The following ISM2 variants were observed in gnomAD, a reference collection of about 807,000 sequenced individuals.
ISM2 encodes the protein isthmin-2.
ISM2 carries 50 observed loss-of-function variants against 58.0 expected under a neutral mutation model. The observed-to-expected ratio is 0.86, with a 90% CI of 0.69 to 1.09. The LOEUF is 1.09. Among genes scored for constraint, ISM2 ranks in the 50% least tolerant of loss-of-function variants. ISM2 has a pLI of 0.00. For missense variants in ISM2, 723 were observed against 745.0 expected (o/e 0.97, Z 0.34); for synonymous variants, 303 against 312.4 (o/e 0.97, Z 0.32).
chr14:77,493,051 T>C (rs1336278397), intron 1 of ISM2, among the ~76,000 whole-genome samples: 2 of 151,754 alleles, frequency 1.3e-5, no homozygotes, highest in East Asian at 3.9e-4. Context: ...TGGAGTGCAG[T>C]GGTGCAATCA....
At position 77,478,091 on chromosome 14, in the gene ISM2, GGCCCCCTGTTGGAGAA is replaced by G; in HGVS notation, c.1198+135_1198+150del. 4.3e-6 allele frequency: 3 copies of G among 691,650 alleles called. No homozygotes were observed. In the South Asian group the frequency reaches 5.3e-5, roughly 12 times the overall value. 42.8% of individuals were successfully genotyped at this position (691,650 alleles called of 1,614,324 possible). A position where few individuals can be genotyped will look rare whatever the true frequency, so the allele number is the denominator to read the frequency against. On this transcript the variant is annotated intron_variant, in intron 6 of 6. Coordinates refer to ENST00000342219, the MANE Select transcript of ISM2 (RefSeq NM_199296.3). ...CAATGAGCTGGCTCAGAAATGCCAG[GGCCCCCTGTTGGAGAA>G]GCAAACCTTCCAGATGGAAGCTGTG...
At chr14:77,495,978 C>A (rs1318482640) in intron 1 of ISM2, among the ~76,000 whole-genome samples, 1 of 151,264 alleles carries the variant, frequency 6.6e-6, no homozygotes, top group Non-Finnish European at 1.5e-5. Context: ...TTTGGGAGGC[C>A]AAGGCAGATG....
At chr14:77,492,907 A>C (rs2079215001) in intron 1 of ISM2, among the ~76,000 whole-genome samples, 1 of 152,086 alleles carries the variant, frequency 6.6e-6, no homozygotes, top group South Asian at 2.1e-4. Context: ...AGGCAGGAGA[A>C]TCGCTTGAGC....
At chr14:77,496,574 G>A (rs2079242262) in intron 1 of ISM2, among the ~76,000 whole-genome samples, 1 of 151,228 alleles carries the variant, frequency 6.6e-6, no homozygotes, top group Non-Finnish European at 1.5e-5. Context: ...ATAAGGTCAG[G>A]AGTTCGAGAC....
At chr14:77,498,442 G>A (rs1025215928) in intron 1 of ISM2, 3 of 1,196,056 alleles carry the variant, frequency 2.5e-6, no homozygotes, top group South Asian at 2.8e-5. Flanking sequence ...AGCCCGGCTC[G>A]CGGTCACGCG....
rs564735678 is a variant in ISM2, at chr14:77,494,946, C to T, written c.141+3707G>A. 2.5e-4 allele frequency among the ~76,000 whole-genome samples: 38 copies of T among 152,232 alleles called. No individual in the cohort carries two copies. The East Asian group carries it at 3.1e-3, about 12-fold the overall frequency. ...TCACCCAGGTTGGAGTGCAGTGGCG[C>T]GATCTCAGCTCACTGCAACTCTTGC... On this transcript the variant is annotated intron_variant, in intron 1 of 6. Transcript: ENST00000342219.
chr14:77,493,596 G>A (rs1292919639), intron 1 of ISM2, among the ~76,000 whole-genome samples: 1 of 151,870 alleles, frequency 6.6e-6, no homozygotes, highest in Non-Finnish European at 1.5e-5. Context: ...CAAGTAGCTG[G>A]GATTATAGGC....
At chr14:77,489,252 A>G (rs2079186346) in intron 1 of ISM2, among the ~76,000 whole-genome samples, 1 of 152,152 alleles carries the variant, frequency 6.6e-6, no homozygotes, top group African/African-American at 2.4e-5. Context: ...AATTAAATTC[A>G]GTCACCAAGT....
intron 1 of ISM2, among the ~76,000 whole-genome samples, chr14:77,493,873 G>A (rs1229626043): frequency 6.6e-6 from 1 of 152,100 alleles, no homozygotes; most frequent in South Asian, 2.1e-4. Flanking sequence ...CCGGGTTCAC[G>A]CCGTTCTCCT....
chr14:77,481,896 T>C (rs2079134258), intron 4 of ISM2, among the ~76,000 whole-genome samples: 1 of 151,796 alleles, frequency 6.6e-6, no homozygotes, highest in African/African-American at 2.4e-5. Flanking sequence ...GCCCAGGAGT[T>C]TGAGACCAGC....
intron 1 of ISM2, among the ~76,000 whole-genome samples, chr14:77,493,618 C>T (rs968652636): frequency 3.3e-5 from 5 of 150,666 alleles, no homozygotes; most frequent in Non-Finnish European, 5.9e-5. Flanking sequence ...CCCACCACCA[C>T]GCCTGGCTAA....
chr14:77,478,347 G>A (rs1566752956), intron 5 of ISM2, 22 bp from the exon 6 acceptor site: 1 of 1,603,318 alleles, frequency 6.2e-7, no homozygotes, highest in Non-Finnish European at 8.5e-7. Flanking sequence ...AAGGAGGCCA[G>A]GCTGGTGGCT....
At chr14:77,493,090 T>C (rs1177244922) in intron 1 of ISM2, among the ~76,000 whole-genome samples, 1 of 152,116 alleles carries the variant, frequency 6.6e-6, no homozygotes, top group East Asian at 1.9e-4. Flanking sequence ...CTCAAACTCC[T>C]AGGCTTAAGC....
chr14:77,489,084 C>T (rs10873306), intron 1 of ISM2, among the ~76,000 whole-genome samples: 145,942 of 152,160 alleles, frequency 0.96, 70,283 homozygotes, highest in East Asian at 1. Flanking sequence ...GCCGGGCAGC[C>T]CCTGACCCAC....
rs1040802895 is a variant in ISM2 at position 77,482,188 on chromosome 14, G to T, written c.973+134C>A. 27 of 597,652 alleles carry T rather than the reference G, an allele frequency of 4.5e-5. No homozygotes were observed. The African/African-American group carries it at 4.9e-4, about 11-fold the overall frequency. The allele number at this position is 597,652 out of a possible 1,614,324, so 37.0% of individuals were successfully genotyped here. ...CAATGTTACTTTTGAGTTGATGATG[G>T]TGTTTGAACAAGGCCTAAGCTCCTG... On this transcript the variant is annotated intron_variant, in intron 4 of 6. Coordinates refer to ENST00000342219, the MANE Select transcript of ISM2 (RefSeq NM_199296.3).
chr14:77,482,415 C>T lies in ISM2; in HGVS notation c.880G>A (p.Glu294Lys). 1.2e-6 allele frequency: 2 copies of T among 1,614,232 alleles called. No individual in the cohort carries two copies. The highest frequency in any genetic ancestry group is 1.7e-6 in the Non-Finnish European group (2 of 1,180,036). ...GTTCCATTGAACCAGAGCGCCTGCT[C>T]TTCCTCATCTTCCTCTTTGTCCTCT... is the stretch of plus-strand genomic sequence containing the variant. The part of the protein sequence containing the change: ...DQEDKEEDEE[E>K]QALWFNGTTD... Residue 294 changes from glutamate to lysine, a missense_variant, in exon 4 of 7, where the codon GAG becomes AAG. Coordinates refer to ENST00000342219, the MANE Select transcript of ISM2 (RefSeq NM_199296.3).
chr14:77,497,676 A>G (rs1246078449), intron 1 of ISM2, among the ~76,000 whole-genome samples: 3 of 150,224 alleles, frequency 2.0e-5, no homozygotes, highest in Non-Finnish European at 3.0e-5. Context: ...CCTGGGTGAC[A>G]GAGAGAGATC....
At chr14:77,498,571 C>T (rs2079263280) in intron 1 of ISM2, 82 bp downstream of exon 1, 1 of 1,388,536 alleles carries the variant, frequency 7.2e-7, no homozygotes. Flanking sequence ...GTCCCGGTCC[C>T]GCTCCCCGCA....
chr14:77,484,224 C>A (rs2079151250), intron 3 of ISM2, 99 bp downstream of exon 3: 1 of 1,477,752 alleles, frequency 6.8e-7, no homozygotes, highest in Non-Finnish European at 9.1e-7. Flanking sequence ...CAGCCCCACC[C>A]TCCACGGAAT....
Sources: allele counts gnomAD v4.1 joint callset (sites outside exome capture counted in the v4.1 genomes callset), GRCh38; gene constraint gnomAD v4.1.1; transcripts MANE v1.5; gene names NCBI Gene and HGNC (gene_info 2026-07-23, HGNC 2026-07-21).